TTLL7: variants seen among roughly 807,000 people sequenced by gnomAD.
TTLL7 encodes tubulin tyrosine ligase like 7.
Under a neutral mutation model 120.2 loss-of-function variants are expected in TTLL7, and 53 were observed. The observed-to-expected ratio is 0.44, with a 90% CI of 0.35 to 0.55. The LOEUF (loss-of-function observed/expected upper bound fraction) is 0.55, where lower values mean the gene tolerates loss of function less well. Among genes scored for constraint, TTLL7 ranks in the 20% least tolerant of loss-of-function variants. The pLI is 0.00. For missense variants in TTLL7, 803 were observed against 1,054.7 expected (o/e 0.76, Z 3.31); for synonymous variants, 353 against 351.7 (o/e 1.00, Z -0.04).
At chr1:83,941,642 C>T (rs1647977086) in intron 7 of TTLL7, among the ~76,000 whole-genome samples, 1 of 152,070 alleles carries the variant, frequency 6.6e-6, no homozygotes, top group Admixed American at 6.5e-5. Context: ...AATTGGGAAA[C>T]AATTAATTGT....
intron 1 of TTLL7, among the ~76,000 whole-genome samples, chr1:83,967,065 C>T (rs1650527255): frequency 1.3e-5 from 2 of 151,956 alleles, no homozygotes; most frequent in Middle Eastern, 3.2e-3. Flanking sequence ...GAAAGTAATG[C>T]AATATTTTTT....
intron 1 of TTLL7, among the ~76,000 whole-genome samples, chr1:83,984,767 T>C (rs1652289743): frequency 6.6e-6 from 1 of 152,154 alleles, no homozygotes; most frequent in Admixed American, 6.5e-5. Flanking sequence ...CTCTGGGGAC[T>C]ACTAGAGAGG....
At chr1:83,950,064 A>C (rs1456695155) in intron 3 of TTLL7, 78 bp from the exon 4 acceptor site, 3 of 1,262,216 alleles carry the variant, frequency 2.4e-6, no homozygotes, top group Non-Finnish European at 3.3e-6. Context: ...TTTTCTATCT[A>C]AACTTTAGTT....
chr1:83,973,431 T>G (rs1035811573), intron 1 of TTLL7, among the ~76,000 whole-genome samples: 2 of 152,114 alleles, frequency 1.3e-5, no homozygotes, highest in African/African-American at 2.4e-5. Context: ...GATCTATTTG[T>G]CTATTCTTTT....
At chr1:83,925,081 G>T (rs75809722) in intron 10 of TTLL7, among the ~76,000 whole-genome samples, 2 of 152,064 alleles carry the variant, frequency 1.3e-5, no homozygotes, top group Non-Finnish European at 2.9e-5. Flanking sequence ...GGGTTCTGTC[G>T]CTGCCCTTCT....
At chr1:83,909,580 C>T (rs982990438) in intron 15 of TTLL7, among the ~76,000 whole-genome samples, 1 of 151,508 alleles carries the variant, frequency 6.6e-6, no homozygotes, top group African/African-American at 2.4e-5. Context: ...TACAATTCCT[C>T]GTGAATATAA....
At chr1:83,995,530 T>C (rs142815822) in intron 1 of TTLL7, among the ~76,000 whole-genome samples, 251 of 152,032 alleles carry the variant, frequency 1.7e-3, no homozygotes, top group African/African-American at 5.3e-3. Flanking sequence ...GATTGGACGC[T>C]TCCTAAGGCC....
chr1:83,899,608 C>T (rs1557588029), intron 18 of TTLL7, among the ~76,000 whole-genome samples: 2 of 152,050 alleles, frequency 1.3e-5, no homozygotes, highest in East Asian at 3.9e-4. Context: ...TGACAGTAAA[C>T]GTTTGGGTAG....
chr1:83,937,515 G>A (rs1392240227), intron 8 of TTLL7, among the ~76,000 whole-genome samples: 1 of 152,070 alleles, frequency 6.6e-6, no homozygotes, highest in African/African-American at 2.4e-5. Context: ...GTACAGTAAT[G>A]TTTTGTACAG....
At chr1:83,874,437 G>T (rs1296361358) in intron 20 of TTLL7, among the ~76,000 whole-genome samples, 1 of 151,956 alleles carries the variant, frequency 6.6e-6, no homozygotes, top group Non-Finnish European at 1.5e-5. Context: ...TGTGAACATT[G>T]GTATACAAGT....
intron 18 of TTLL7, among the ~76,000 whole-genome samples, chr1:83,898,783 C>T (rs188765819): frequency 2.9e-3 from 437 of 151,668 alleles, no homozygotes; most frequent in African/African-American, 9.4e-3. Context: ...AAATTTGTTC[C>T]AATGATTACT....
intron 1 of TTLL7, chr1:83,984,203 C>T (rs936826357): frequency 6.6e-6 from 1 of 152,178 alleles, no homozygotes; most frequent in Non-Finnish European, 1.5e-5. Flanking sequence ...AAATGCAAAT[C>T]AAAACCACAA....
chr1:83,982,036 G>C (rs566894605), intron 1 of TTLL7, among the ~76,000 whole-genome samples: 1 of 151,982 alleles, frequency 6.6e-6, no homozygotes, highest in Non-Finnish European at 1.5e-5. Flanking sequence ...CCATATCACA[G>C]CTCATAAAAC....
At chr1:83,976,132 AAAGT>A (rs1651465025) in intron 1 of TTLL7, among the ~76,000 whole-genome samples, 1 of 151,790 alleles carries the variant, frequency 6.6e-6, no homozygotes, top group Admixed American at 6.6e-5. Flanking sequence ...GATTGCAACC[AAAGT>A]AAGTCTGAAA....
chr1:83,920,771 G>A (rs1200652973), intron 12 of TTLL7, among the ~76,000 whole-genome samples: 1 of 152,026 alleles, frequency 6.6e-6, no homozygotes, highest in African/African-American at 2.4e-5. Flanking sequence ...TAACCACCAT[G>A]GATTGGCAGG....
At chr1:83,959,761 C>G (rs1487177407) in intron 1 of TTLL7, among the ~76,000 whole-genome samples, 1 of 152,012 alleles carries the variant, frequency 6.6e-6, no homozygotes, top group Non-Finnish European at 1.5e-5. Context: ...GAATGCAAAT[C>G]AACACCAACA....
At chr1:83,906,905 A>G (rs1657240147) in intron 16 of TTLL7, among the ~76,000 whole-genome samples, 1 of 152,072 alleles carries the variant, frequency 6.6e-6, no homozygotes, top group African/African-American at 2.4e-5. Flanking sequence ...AGTCGGAGCT[A>G]TCTATTTGAG....
rs941156536 is a variant in TTLL7 at position 83,867,199 on chromosome 1, T to C, written c.*2763A>G. 2 of 152,056 alleles carry C rather than the reference T, an allele frequency of 1.3e-5. No individual in the cohort carries two copies. Among genetic ancestry groups the C allele is most frequent in the African/African-American group, 4.8e-5 (2 of 41,450 alleles). The allele number at this position is 152,056 out of a possible 1,614,324, so 9.4% of individuals were successfully genotyped here. On this transcript the variant is annotated 3_prime_UTR_variant, in exon 21 of 21. Coordinates refer to ENST00000260505, the MANE Select transcript of TTLL7 (RefSeq NM_024686.6). ...ATGAATAAAAATTTATAATAAAAACTTGGGAATATTTTATACCTCTAAATC... is the reference window on the plus strand; with the variant it reads ...ATGAATAAAAATTTATAATAAAAACCTGGGAATATTTTATACCTCTAAATC...
At chr1:83,923,843 T>C (rs1658886866) in intron 10 of TTLL7, among the ~76,000 whole-genome samples, 2 of 152,180 alleles carry the variant, frequency 1.3e-5, no homozygotes, top group South Asian at 4.1e-4. Flanking sequence ...TGTATCCATA[T>C]ACTGACCTAA....
Sources: allele counts gnomAD v4.1 joint callset (sites outside exome capture counted in the v4.1 genomes callset), GRCh38; gene constraint gnomAD v4.1.1; transcripts MANE v1.5; gene names NCBI Gene and HGNC (gene_info 2026-07-23, HGNC 2026-07-21).